DACH2: variants seen among roughly 807,000 people sequenced by gnomAD.
DACH2 encodes the protein dachshund homolog 2.
DACH2 carries 17 observed loss-of-function variants against 35.8 expected under a neutral mutation model. That is an observed-to-expected ratio of 0.48 (90% CI 0.33 to 0.71). DACH2 has a LOEUF of 0.71. DACH2 is among the 30% of genes least tolerant of loss of function. The pLI, the probability that DACH2 is intolerant of heterozygous loss-of-function variation, is 0.02. For synonymous variants in DACH2, 195 were observed against 177.3 expected, an observed-to-expected ratio of 1.10 and a Z score of -0.79; for missense variants, 469 against 472.7, an observed-to-expected ratio of 0.99 and a Z score of 0.07.
chrX:86,388,679 G>T (rs2036156672), intron 2 of DACH2, among the ~76,000 whole-genome samples: 1 of 111,667 alleles, frequency 9.0e-6, no homozygotes, highest in South Asian at 3.7e-4. Flanking sequence ...GTGAGACAAT[G>T]GTCAAGATCA....
At chrX:86,398,335 A>G (rs1180485167) in intron 2 of DACH2, among the ~76,000 whole-genome samples, 6 of 112,230 alleles carry the variant, frequency 5.3e-5, no homozygotes, top group African/African-American at 1.6e-4. Flanking sequence ...TTTTCAAAAA[A>G]CCAGCTCCTG....
intron 1 of DACH2, among the ~76,000 whole-genome samples, chrX:86,224,439 C>T (rs141372370): frequency 0.011 from 1,199 of 111,152 alleles, 23 homozygotes; most frequent in African/African-American, 0.037. Context: ...ATCACAAGCC[C>T]GCACCTTCCA....
intron 1 of DACH2, among the ~76,000 whole-genome samples, chrX:86,360,704 C>CGG (rs2035725625): frequency 9.1e-6 from 1 of 109,532 alleles, no homozygotes; most frequent in Non-Finnish European, 1.9e-5. Context: ...TCTTTATCAT[C>CGG]TCTTTGATAG....
At chrX:86,465,107 A>G (rs1307296785) in intron 2 of DACH2, among the ~76,000 whole-genome samples, 2 of 112,108 alleles carry the variant, frequency 1.8e-5, no homozygotes, top group Non-Finnish European at 3.8e-5. Flanking sequence ...CAAATAGCAA[A>G]GTATTTGATA....
chrX:86,758,176 T>C, intron 7 of DACH2, among the ~76,000 whole-genome samples: 1 of 111,697 alleles, frequency 9.0e-6, no homozygotes, highest in East Asian at 2.8e-4. Context: ...TAGCAAGTGG[T>C]TTATCAATTT....
intron 2 of DACH2, among the ~76,000 whole-genome samples, chrX:86,382,008 T>G (rs2036053290): frequency 9.0e-6 from 1 of 111,241 alleles, no homozygotes; most frequent in African/African-American, 3.2e-5. Context: ...ACATTTCTGA[T>G]TCAGAAGAAA....
At chrX:86,369,421 G>C (rs898865516) in intron 1 of DACH2, among the ~76,000 whole-genome samples, 1 of 110,851 alleles carries the variant, frequency 9.0e-6, no homozygotes, top group Non-Finnish European at 1.9e-5. Flanking sequence ...TTTCAAATCG[G>C]TAATCCTCTT....
chrX:86,788,304 A>T (rs2042157872), intron 7 of DACH2, among the ~76,000 whole-genome samples: 1 of 110,559 alleles, frequency 9.0e-6, no homozygotes, highest in Non-Finnish European at 1.9e-5. Context: ...TTTTCTATCT[A>T]TTGGGAGACT....
chrX:86,291,189 G>T (rs1439021320), intron 1 of DACH2, among the ~76,000 whole-genome samples: 1 of 109,213 alleles, frequency 9.2e-6, no homozygotes, highest in Admixed American at 9.9e-5. Context: ...TGAAGCAATT[G>T]TGAATGAGAG....
intron 1 of DACH2, chrX:86,305,109 C>T (rs1351680997): frequency 7.1e-6 from 1 of 140,833 alleles, no homozygotes; most frequent in Non-Finnish European, 1.6e-5. Context: ...CACAGGGACC[C>T]CTGAGAGTGC....
intron 3 of DACH2, among the ~76,000 whole-genome samples, chrX:86,589,549 G>A (rs569720381): frequency 1.8e-5 from 2 of 111,263 alleles, no homozygotes; most frequent in Non-Finnish European, 3.8e-5. Context: ...GACCAATAAC[G>A]ATACATTATT....
intron 4 of DACH2, among the ~76,000 whole-genome samples, chrX:86,675,232 C>A (rs1403604041): frequency 9.0e-6 from 1 of 111,154 alleles, no homozygotes; most frequent in Non-Finnish European, 1.9e-5. Flanking sequence ...TGAGATCATC[C>A]AGCTCAACTT....
intron 1 of DACH2, among the ~76,000 whole-genome samples, chrX:86,265,772 A>C (rs1233893455): frequency 8.9e-6 from 1 of 111,740 alleles, no homozygotes; most frequent in Non-Finnish European, 1.9e-5. Flanking sequence ...GATTTCTTCA[A>C]AAAGGGAGGC....
At chrX:86,657,100 T>G (rs1602747529) in intron 4 of DACH2, among the ~76,000 whole-genome samples, 2 of 102,792 alleles carry the variant, frequency 1.9e-5, no homozygotes, top group Non-Finnish European at 2.0e-5. Context: ...TAGTGGGGGG[T>G]GAGGTGAGGA....
intron 1 of DACH2, among the ~76,000 whole-genome samples, chrX:86,239,847 T>A (rs767963967): frequency 1.8e-5 from 2 of 111,852 alleles, no homozygotes; most frequent in Non-Finnish European, 3.8e-5. Context: ...CACTTGGTGT[T>A]ATATATCTTT....
At chrX:86,805,298 T>C (rs1431038367) in intron 7 of DACH2, among the ~76,000 whole-genome samples, 1 of 112,345 alleles carries the variant, frequency 8.9e-6, no homozygotes, top group African/African-American at 3.2e-5. Context: ...CTGGGTCCCT[T>C]TTAGCCATGG....
intron 1 of DACH2, among the ~76,000 whole-genome samples, chrX:86,275,757 T>C (rs915495390): frequency 5.4e-5 from 6 of 111,702 alleles, no homozygotes; most frequent in African/African-American, 2.0e-4. Flanking sequence ...ATTCATGAGT[T>C]CAATTGTTTT....
At chrX:86,228,019 T>G in intron 1 of DACH2, among the ~76,000 whole-genome samples, 1 of 110,704 alleles carries the variant, frequency 9.0e-6, no homozygotes, top group Non-Finnish European at 1.9e-5. Flanking sequence ...TTTGGTTACA[T>G]GAGTAAGTTC....
At chrX:86,801,250 C>T (rs1381165563) in intron 7 of DACH2, among the ~76,000 whole-genome samples, 1 of 108,239 alleles carries the variant, frequency 9.2e-6, no homozygotes, top group Non-Finnish European at 1.9e-5. Context: ...GGTGGAGTCC[C>T]ACTACATTGC....
Sources: gnomAD v4.1 joint callset for allele counts (sites outside exome capture counted in the v4.1 genomes callset) on GRCh38, gnomAD v4.1.1 for gene constraint, MANE v1.5 for transcripts, NCBI Gene and HGNC (gene_info 2026-07-23, HGNC 2026-07-21) for gene names.